The following APBA2 variants were observed in gnomAD, a reference collection of about 807,000 sequenced individuals.
APBA2 encodes amyloid-beta A4 precursor protein-binding family A member 2.
In APBA2, 30 loss-of-function variants were observed where a neutral mutation model predicts 75.0. That is an observed-to-expected ratio of 0.40 (90% confidence interval 0.30 to 0.54). The LOEUF (loss-of-function observed/expected upper bound fraction) is 0.54. Among genes scored for constraint, APBA2 ranks in the 20% least tolerant of loss-of-function variants. The probability of loss-of-function intolerance (pLI) is 0.49; values close to 1 mark genes in which losing one functional copy is unlikely to be tolerated. For missense variants in APBA2, 801 were observed against 1,016.1 expected, an observed-to-expected ratio of 0.79 and a Z score of 2.88; for synonymous variants, 444 against 409.6, an observed-to-expected ratio of 1.08 and a Z score of -1.01.
chr15:29,110,259 TG>T (rs138282817), intron 13 of APBA2, among the ~76,000 whole-genome samples: 21 of 152,198 alleles, frequency 1.4e-4, no homozygotes, highest in Non-Finnish European at 2.8e-4. Context: ...CTGACAGCCC[TG>T]CAGCCCTCAT....
intron 2 of APBA2, among the ~76,000 whole-genome samples, chr15:28,973,817 A>C (rs2037197503): frequency 6.6e-6 from 1 of 152,254 alleles, no homozygotes; most frequent in African/African-American, 2.4e-5. Context: ...TGCAGGTAGG[A>C]AAGTGGTAAC....
At chr15:29,068,873 A>T (rs2042494691) in intron 4 of APBA2, among the ~76,000 whole-genome samples, 1 of 152,110 alleles carries the variant, frequency 6.6e-6, no homozygotes, top group Non-Finnish European at 1.5e-5. Flanking sequence ...AGTAATACAC[A>T]CGTAACATAA....
chr15:29,052,798 T>C (rs571881027), intron 3 of APBA2, among the ~76,000 whole-genome samples: 1 of 152,296 alleles, frequency 6.6e-6, no homozygotes, highest in African/African-American at 2.4e-5. Context: ...GTAAGGGCCT[T>C]CTTGCTATGT....
chr15:29,038,113 G>C (rs2040837860), intron 3 of APBA2, among the ~76,000 whole-genome samples: 1 of 152,196 alleles, frequency 6.6e-6, no homozygotes, highest in Non-Finnish European at 1.5e-5. Flanking sequence ...CCAGGACTCT[G>C]TAAGCTCTAG....
intron 7 of APBA2, among the ~76,000 whole-genome samples, chr15:29,093,542 G>A (rs2043691270): frequency 6.6e-6 from 1 of 152,200 alleles, no homozygotes; most frequent in Non-Finnish European, 1.5e-5. Context: ...TATTTTTAGT[G>A]CCATTCAGAG....
At chr15:29,007,985 A>G (rs1304415990) in intron 3 of APBA2, among the ~76,000 whole-genome samples, 1 of 152,254 alleles carries the variant, frequency 6.6e-6, no homozygotes, top group Non-Finnish European at 1.5e-5. Context: ...CCAGGAGTCC[A>G]TTGGCAGATG....
At chr15:29,068,582 A>C (rs2042480634) in intron 4 of APBA2, among the ~76,000 whole-genome samples, 1 of 152,218 alleles carries the variant, frequency 6.6e-6, no homozygotes, top group African/African-American at 2.4e-5. Flanking sequence ...TTCCCCACAA[A>C]TGGACACAGA....
In APBA2 at chr15:29,000,916, C is replaced by G. The variant is rs1032723778; in HGVS notation, c.-41+5110C>G. Among the ~76,000 whole-genome samples, 15 of 152,202 alleles carry G rather than the reference C, an allele frequency of 9.9e-5. 1 individual carries two copies. The highest frequency in any genetic ancestry group is 3.6e-4 in the African/African-American group (15 of 41,460). On this transcript the variant is annotated intron_variant, in intron 3 of 14. Transcript: ENST00000683413. Reference sequence around the variant, plus strand: ...AATGAGCCAGGCTTTGCACATTGACCTGGCTCTGCCTCTTGAACTGCTGCC... The same window carrying G: ...AATGAGCCAGGCTTTGCACATTGACGTGGCTCTGCCTCTTGAACTGCTGCC...
chr15:29,015,339 G>A (rs527966064), intron 3 of APBA2, among the ~76,000 whole-genome samples: 3 of 152,254 alleles, frequency 2.0e-5, no homozygotes, highest in Admixed American at 1.3e-4. Context: ...TTTCTTTACA[G>A]CATCTGTAGT....
intron 2 of APBA2, among the ~76,000 whole-genome samples, chr15:28,969,150 T>TGC (rs2036911617): frequency 1.3e-5 from 1 of 76,490 alleles, no homozygotes; most frequent in African/African-American, 4.6e-4. Context: ...CTTTCTTTCT[T>TGC]TCTTTCTTTC....
chr15:29,101,548 T>C (rs757032213), intron 9 of APBA2, 51 bp from the exon 10 acceptor site: 2 of 1,584,412 alleles, frequency 1.3e-6, no homozygotes, highest in Non-Finnish European at 1.7e-6. Context: ...TACTTTTCAA[T>C]GGATTGTCCC....
At chr15:29,105,686 C>G in intron 11 of APBA2, 128 bp downstream of exon 11, 2 of 983,478 alleles carry the variant, frequency 2.0e-6, no homozygotes, top group South Asian at 2.7e-5. Flanking sequence ...CAGTGGGGCC[C>G]GGAATGTGCA....
intron 2 of APBA2, among the ~76,000 whole-genome samples, chr15:28,942,653 A>G (rs3861185): frequency 2.2e-3 from 341 of 151,852 alleles, no homozygotes; most frequent in African/African-American, 7.9e-3. Flanking sequence ...CCCACTTTCC[A>G]TTTCCTCTTG....
intron 12 of APBA2, 77 bp downstream of exon 12, chr15:29,106,896 A>C (rs368128545): frequency 7.3e-7 from 1 of 1,363,570 alleles, no homozygotes; most frequent in Non-Finnish European, 1.0e-6. Flanking sequence ...TGCAATCCCC[A>C]CTTCACTGCA....
intron 6 of APBA2, among the ~76,000 whole-genome samples, chr15:29,079,906 T>G (rs2043013840): frequency 6.6e-6 from 1 of 152,226 alleles, no homozygotes; most frequent in African/African-American, 2.4e-5. Context: ...CCATGCAGCA[T>G]CTCTCTATTT....
At chr15:29,057,038 T>C (rs934902870) in intron 4 of APBA2, among the ~76,000 whole-genome samples, 1 of 152,164 alleles carries the variant, frequency 6.6e-6, no homozygotes, top group African/African-American at 2.4e-5. Flanking sequence ...AACAAAGGCC[T>C]GGCCTCAAGC....
intron 3 of APBA2, among the ~76,000 whole-genome samples, chr15:29,026,064 A>T (rs1416794191): frequency 6.6e-6 from 1 of 152,168 alleles, no homozygotes; most frequent in Non-Finnish European, 1.5e-5. Context: ...CTTCTTGCCA[A>T]CTTTATGCAG....
chr15:28,967,681 A>C (rs1002909909), intron 2 of APBA2, among the ~76,000 whole-genome samples: 4 of 151,626 alleles, frequency 2.6e-5, no homozygotes, highest in African/African-American at 4.8e-5. Context: ...CTCATGATCC[A>C]CCCGCCTCGG....
At chr15:28,907,836 AG>A (rs200992940) in intron 1 of APBA2, among the ~76,000 whole-genome samples, 2,007 of 152,318 alleles carry the variant, frequency 0.013, 38 homozygotes, top group African/African-American at 0.045. Context: ...GCCTTTCCCC[AG>A]GGGAGTGGCT....
Sources: gnomAD v4.1 joint callset for allele counts (sites outside exome capture counted in the v4.1 genomes callset) on GRCh38, gnomAD v4.1.1 for gene constraint, MANE v1.5 for transcripts, NCBI Gene and HGNC (gene_info 2026-07-23, HGNC 2026-07-21) for gene names.